Variants in ARID1B observed in about 807,000 individuals in gnomAD.
ARID1B encodes the protein AT-rich interaction domain 1B, also known as AT-rich interactive domain-containing protein 1B.
A neutral mutation model predicts 212.3 loss-of-function variants in ARID1B; 30 were observed. That is an observed-to-expected ratio of 0.14 (90% CI 0.11 to 0.19). The LOEUF (loss-of-function observed/expected upper bound fraction) is 0.19. ARID1B is among the 10% of genes least tolerant of loss of function. The pLI is 1.00. For synonymous variants in ARID1B, 1,402 were observed against 1,301.7 expected (o/e 1.08, Z -1.66); for missense variants, 2,891 against 3,204.0 (o/e 0.90, Z 2.36).
chr6:156,791,021 G>A (rs761748954), intron 1 of ARID1B, among the ~76,000 whole-genome samples: 8 of 152,200 alleles, frequency 5.3e-5, no homozygotes, highest in Non-Finnish European at 1.2e-4. Flanking sequence ...TGGAGAAGAT[G>A]AATTTTATTT....
chr6:157,015,954 G>A (rs1247969315), intron 4 of ARID1B, among the ~76,000 whole-genome samples: 1 of 152,182 alleles, frequency 6.6e-6, no homozygotes, highest in Non-Finnish European at 1.5e-5. Flanking sequence ...AGAGCCTCTT[G>A]ATACATCTGT....
chr6:156,978,389 T>C (rs1376125508), intron 4 of ARID1B, among the ~76,000 whole-genome samples: 2 of 152,224 alleles, frequency 1.3e-5, no homozygotes, highest in African/African-American at 4.8e-5. Flanking sequence ...GATTTTTATT[T>C]CTATTTTTTA....
At chr6:156,840,164 T>C (rs1340315212) in intron 2 of ARID1B, among the ~76,000 whole-genome samples, 1 of 152,224 alleles carries the variant, frequency 6.6e-6, no homozygotes, top group Non-Finnish European at 1.5e-5. Flanking sequence ...CTCCTCTGTT[T>C]CTCAGCCTTT....
rs140968802 is a variant in ARID1B, at chr6:156,980,784, T to C, written c.2247+45208T>C. ...CAGTCTGGGGAAAGGCTGGCAGCTT[T>C]CAATGTACCCAGGAGCTCAGATTTC... On this transcript the variant is annotated intron_variant, in intron 4 of 19. Transcript: ENST00000636930. Among the ~76,000 whole-genome samples, 106 of 152,278 alleles carry C rather than the reference T, an allele frequency of 7.0e-4. 1 individual carries two copies. The highest frequency in any genetic ancestry group is 2.3e-3 in the African/African-American group (97 of 41,566).
intron 1 of ARID1B, among the ~76,000 whole-genome samples, chr6:156,816,233 T>C (rs1781952946): frequency 1.3e-5 from 2 of 152,212 alleles, no homozygotes; most frequent in Admixed American, 1.3e-4. Flanking sequence ...ATACCAAACA[T>C]TTATTAAATG....
In ARID1B at chr6:157,201,175, C is replaced by G. The variant is rs563086310; in HGVS notation, c.4950C>G (p.Ala1650=). Residue 1650 remains alanine (A), a synonymous_variant, in exon 18 of 20, where the codon GCC becomes GCG. Coordinates refer to ENST00000636930, the MANE Select transcript of ARID1B (RefSeq NM_001374828.1). The surrounding 1 kb of genome is among the most constrained non-coding windows in gnomAD (Gnocchi z 5.2). ...GTCAGCCTTATATGTCGTCCTCAGC[C>G]TCCATGCAGCCCATCACACGCCCAC... ...SQRQPYMSSS[A]SMQPITRPPQ... The G allele has an allele frequency of 1.2e-6, 2 of 1,614,070 alleles. No homozygotes were observed. The highest frequency in any genetic ancestry group is 1.3e-5 in the African/African-American group (1 of 75,054).
intron 2 of ARID1B, 47 bp downstream of exon 2, chr6:156,829,468 C>T (rs759794777): frequency 1.9e-6 from 3 of 1,556,076 alleles, no homozygotes; most frequent in Non-Finnish European, 1.7e-6. Flanking sequence ...ATAGTTTTGT[C>T]TTTGCCTTTT....
chr6:156,925,837 G>T (rs753560827), intron 3 of ARID1B, among the ~76,000 whole-genome samples: 1 of 152,188 alleles, frequency 6.6e-6, no homozygotes, highest in East Asian at 1.9e-4. Context: ...CATGGCACAT[G>T]CAAGAGACCC....
At chr6:156,846,536 C>G (rs1048044752) in intron 2 of ARID1B, among the ~76,000 whole-genome samples, 3 of 151,992 alleles carry the variant, frequency 2.0e-5, no homozygotes, top group African/African-American at 7.3e-5. Flanking sequence ...GAGAACCGAT[C>G]GGCACGTTGT....
chr6:157,191,289 G>A (rs1021165123), intron 15 of ARID1B, among the ~76,000 whole-genome samples: 1 of 152,016 alleles, frequency 6.6e-6, no homozygotes, highest in Non-Finnish European at 1.5e-5. Flanking sequence ...GAGTGAACGC[G>A]GGCCCTGAGG....
chr6:157,058,557 G>A (rs773368264), intron 4 of ARID1B, among the ~76,000 whole-genome samples: 2 of 152,202 alleles, frequency 1.3e-5, no homozygotes, highest in Admixed American at 6.5e-5. Flanking sequence ...GAGCCACCGC[G>A]CCCAGCCCTA....
intron 2 of ARID1B, among the ~76,000 whole-genome samples, chr6:156,893,644 G>A (rs574037317): frequency 6.6e-6 from 1 of 152,034 alleles, no homozygotes; most frequent in South Asian, 2.1e-4. Context: ...TTCCAAAGAA[G>A]ATATATACAT....
At chr6:157,202,649 T>TACACACAC (rs754115969) in intron 18 of ARID1B, among the ~76,000 whole-genome samples, 5 of 150,138 alleles carry the variant, frequency 3.3e-5, no homozygotes, top group African/African-American at 9.8e-5. Flanking sequence ...TGCCACTGTA[T>TACACACAC]ACACACACAC....
chr6:156,866,914 C>T (rs1000917991), intron 2 of ARID1B, among the ~76,000 whole-genome samples: 4 of 152,190 alleles, frequency 2.6e-5, no homozygotes, highest in African/African-American at 7.2e-5. Flanking sequence ...GAAGTTACTT[C>T]GTTTAAGTGT....
intron 1 of ARID1B, among the ~76,000 whole-genome samples, chr6:156,822,272 TGTTA>T (rs1782403875): frequency 6.6e-6 from 1 of 152,342 alleles, no homozygotes; most frequent in Admixed American, 6.5e-5. Context: ...AGTTCCAACG[TGTTA>T]GTTCAAGTCT....
chr6:156,865,383 T>C (rs1785611304), intron 2 of ARID1B, among the ~76,000 whole-genome samples: 1 of 152,248 alleles, frequency 6.6e-6, no homozygotes, highest in Admixed American at 6.5e-5. Flanking sequence ...CCTTCACAAT[T>C]CTGAAGCACT....
chr6:157,067,393 G>T (rs890849283), intron 4 of ARID1B, among the ~76,000 whole-genome samples: 1 of 152,196 alleles, frequency 6.6e-6, no homozygotes, highest in Non-Finnish European at 1.5e-5. Context: ...GAACAAATGG[G>T]GTTTGAAACT....
At chr6:157,088,715 G>A (rs1424268097) in intron 5 of ARID1B, among the ~76,000 whole-genome samples, 1 of 152,090 alleles carries the variant, frequency 6.6e-6, no homozygotes, top group African/African-American at 2.4e-5. Flanking sequence ...TTCCTTTAGA[G>A]AATAATGAGG....
chr6:156,813,740 G>C (rs966620654), intron 1 of ARID1B, among the ~76,000 whole-genome samples: 2 of 152,192 alleles, frequency 1.3e-5, no homozygotes, highest in Non-Finnish European at 1.5e-5. Flanking sequence ...AGTGACCCTA[G>C]ACATATATTA....
Sources: gnomAD v4.1 joint callset for allele counts (sites outside exome capture counted in the v4.1 genomes callset) on GRCh38, gnomAD v4.1.1 for gene constraint, Gnocchi (gnomAD v3.1) non-coding constraint, MANE v1.5 for transcripts, NCBI Gene and HGNC (gene_info 2026-07-23, HGNC 2026-07-21) for gene names.